THSD4: variants seen among roughly 807,000 people sequenced by gnomAD.
THSD4 encodes thrombospondin type-1 domain-containing protein 4.
Under a neutral mutation model 119.0 loss-of-function variants are expected in THSD4, and 69 were observed. The ratio of observed to expected loss-of-function variants is 0.58; its 90% CI spans 0.48 to 0.71. THSD4 has a LOEUF of 0.71. Ranked by LOEUF, THSD4 falls within the 30% of genes least tolerant of loss-of-function variation. THSD4 has a pLI of 0.00. For missense variants in THSD4, 1,393 were observed against 1,391.1 expected, an observed-to-expected ratio of 1.00 and a Z score of -0.02; for synonymous variants, 524 against 540.4, an observed-to-expected ratio of 0.97 and a Z score of 0.42.
chr15:71,197,233 T>G (rs1052830595), intron 3 of THSD4, among the ~76,000 whole-genome samples: 3 of 152,178 alleles, frequency 2.0e-5, no homozygotes, highest in Non-Finnish European at 4.4e-5. Flanking sequence ...CTCAGCACAG[T>G]ACCTAGAGTG....
chr15:71,690,455 G>A (rs1321961246), intron 8 of THSD4, among the ~76,000 whole-genome samples: 1 of 152,178 alleles, frequency 6.6e-6, no homozygotes, highest in Admixed American at 6.5e-5. Flanking sequence ...ACTGGGGCGT[G>A]GGGACCTGAG....
Position 71,665,710 on chromosome 15 carries a change from C to A in THSD4, c.1357+4976C>A, listed in dbSNP as rs577107939. On this transcript the variant is annotated intron_variant, in intron 8 of 17. Transcript: ENST00000261862. ...CAAGGGGTCCAGTTTCAATCTTCTCCATATGGCTAGCCAGTTCTCCCAGGA... is the reference window on the plus strand; with the variant it reads ...CAAGGGGTCCAGTTTCAATCTTCTCAATATGGCTAGCCAGTTCTCCCAGGA... Among the ~76,000 whole-genome samples the A allele has an allele frequency of 5.2e-4, 79 of 152,280 alleles. No homozygotes were observed. The South Asian group carries it at 0.011, about 21-fold the overall frequency.
chr15:71,426,993 T>C (rs2046878849), intron 7 of THSD4, among the ~76,000 whole-genome samples: 1 of 152,134 alleles, frequency 6.6e-6, no homozygotes, highest in African/African-American at 2.4e-5. Flanking sequence ...AAGTAAACTT[T>C]CGGGGCACTT....
chr15:71,198,652 A>C (rs2043740974), intron 3 of THSD4, among the ~76,000 whole-genome samples: 1 of 152,172 alleles, frequency 6.6e-6, no homozygotes, highest in African/African-American at 2.4e-5. Flanking sequence ...CATCGTAAGG[A>C]GGTTGCTAAT....
chr15:71,500,108 A>G (rs2048087846), intron 7 of THSD4, among the ~76,000 whole-genome samples: 5 of 152,138 alleles, frequency 3.3e-5, no homozygotes, highest in African/African-American at 9.7e-5. Context: ...AACAGTGTAC[A>G]TGGGTTCCAA....
intron 8 of THSD4, among the ~76,000 whole-genome samples, chr15:71,688,232 C>T (rs1037552212): frequency 6.6e-6 from 1 of 152,180 alleles, no homozygotes. Context: ...TGTCTTGAGC[C>T]CCATCCAGAA....
At chr15:71,473,248 G>C (rs1192371331) in intron 7 of THSD4, among the ~76,000 whole-genome samples, 2 of 151,986 alleles carry the variant, frequency 1.3e-5, no homozygotes, top group Admixed American at 6.6e-5. Flanking sequence ...TGTAGAGATA[G>C]GGTTTTGTTA....
chr15:71,479,771 G>A (rs1435310768), intron 7 of THSD4, among the ~76,000 whole-genome samples: 1 of 152,096 alleles, frequency 6.6e-6, no homozygotes, highest in African/African-American at 2.4e-5. Context: ...GTGATACCTG[G>A]CAGCTTACAG....
At chr15:71,637,208 T>TC (rs1295456464) in intron 7 of THSD4, among the ~76,000 whole-genome samples, 3 of 152,198 alleles carry the variant, frequency 2.0e-5, no homozygotes, top group African/African-American at 7.2e-5. Context: ...TAACTATTTT[T>TC]CACCGTTGTT....
rs557004971 is a variant in THSD4 at position 71,646,498 on chromosome 15, A to G, written c.1153-14032A>G. ...TAGCTAAATAACATTCCAATCAGCT[A>G]CTGTTTAAGCTGGGAATTGATATCA... On this transcript the variant is annotated intron_variant, in intron 7 of 17. Transcript: ENST00000261862. Among the ~76,000 whole-genome samples the G allele has an allele frequency of 5.9e-5, 9 of 152,276 alleles. No individual in the cohort carries two copies. The South Asian group carries it at 1.2e-3, about 21-fold the overall frequency.
At chr15:71,422,535 A>G (rs899071905) in intron 7 of THSD4, among the ~76,000 whole-genome samples, 31 of 152,100 alleles carry the variant, frequency 2.0e-4, no homozygotes, top group African/African-American at 7.2e-5. Flanking sequence ...ACTTTCTCCT[A>G]CAAGAATGGA....
intron 4 of THSD4, among the ~76,000 whole-genome samples, chr15:71,225,946 GT>G (rs2044014827): frequency 6.6e-6 from 1 of 152,004 alleles, no homozygotes; most frequent in Non-Finnish European, 1.5e-5. Context: ...TGTCTCATGA[GT>G]TTTTCTTTAA....
At chr15:71,571,919 A>G (rs1208641927) in intron 7 of THSD4, among the ~76,000 whole-genome samples, 3 of 152,160 alleles carry the variant, frequency 2.0e-5, no homozygotes, top group South Asian at 2.1e-4. Flanking sequence ...CAATATCCCT[A>G]TTAATTATAT....
rs186359485 is a variant in THSD4 at position 71,677,088 on chromosome 15, T to C, written c.1357+16354T>C. On this transcript the variant is annotated intron_variant, in intron 8 of 17. Transcript: ENST00000261862. ...AACCAGAGTTTCAATGTCTCCACAT[T>C]CTCGCCAACACTTCAAGTGTGTTTT... Among the ~76,000 whole-genome samples the C allele has an allele frequency of 4.5e-4, 68 of 152,332 alleles. 1 individual carries two copies. In the East Asian group the frequency reaches 0.012, roughly 27 times the overall value.
At chr15:71,532,443 T>A (rs908045574) in intron 7 of THSD4, among the ~76,000 whole-genome samples, 2 of 151,642 alleles carry the variant, frequency 1.3e-5, no homozygotes, top group African/African-American at 4.8e-5. Flanking sequence ...CCTGAGTAGC[T>A]AGGATTACAG....
intron 10 of THSD4, chr15:71,731,563 G>C: frequency 3.8e-6 from 1 of 262,566 alleles, no homozygotes; most frequent in Non-Finnish European, 7.7e-6. Context: ...TGGATCGCTT[G>C]GGCCCAGAGG....
At chr15:71,202,597 G>T (rs1030671299) in intron 3 of THSD4, among the ~76,000 whole-genome samples, 2 of 152,116 alleles carry the variant, frequency 1.3e-5, no homozygotes, top group African/African-American at 4.8e-5. Context: ...ATAACTGGTT[G>T]TTCTAATTTT....
chr15:71,572,493 A>G (rs1471131193), intron 7 of THSD4, among the ~76,000 whole-genome samples: 1 of 152,202 alleles, frequency 6.6e-6, no homozygotes, highest in Non-Finnish European at 1.5e-5. Context: ...TGGAAAGCAC[A>G]GCCTGGCACT....
intron 7 of THSD4, among the ~76,000 whole-genome samples, chr15:71,479,022 C>T (rs868686934): frequency 6.6e-6 from 1 of 151,990 alleles, no homozygotes; most frequent in Non-Finnish European, 1.5e-5. Flanking sequence ...GCTGTGGGCC[C>T]CCAGTAGTGC....
Sources: gnomAD v4.1 joint callset for allele counts (sites outside exome capture counted in the v4.1 genomes callset) on GRCh38, gnomAD v4.1.1 for gene constraint, MANE v1.5 for transcripts, NCBI Gene and HGNC (gene_info 2026-07-23, HGNC 2026-07-21) for gene names.